CDH13: variants seen among roughly 807,000 people sequenced by gnomAD.
The protein encoded by CDH13 is cadherin-13.
CDH13 carries 24 observed loss-of-function variants against 63.8 expected under a neutral mutation model. The observed-to-expected ratio is 0.38, with a 90% CI of 0.27 to 0.53. CDH13 has a LOEUF of 0.53. Ranked by LOEUF, CDH13 falls within the 20% of genes least tolerant of loss-of-function variation. The pLI is 0.85. For synonymous variants in CDH13, 503 were observed against 355.3 expected (o/e 1.42, Z -4.67); for missense variants, 1,049 against 903.1 (o/e 1.16, Z -2.07).
rs72807808 is a variant in CDH13, at chr16:82,828,474, A to C, written c.46-29888A>C. 6.6e-5 allele frequency among the ~76,000 whole-genome samples: 10 copies of C among 152,048 alleles called. No homozygotes were observed. The South Asian group carries it at 2.1e-3, about 32-fold the overall frequency. ...TTCACTAAAAATAGAAACCTCAGCT[A>C]GGAGTGTTGGCGGGCACCTGTAATC... is the stretch of plus-strand genomic sequence containing the variant. On this transcript the variant is annotated intron_variant, in intron 1 of 13. Coordinates refer to ENST00000567109, the MANE Select transcript of CDH13 (RefSeq NM_001257.5).
At chr16:83,233,841 C>G (rs2040073240) in intron 5 of CDH13, among the ~76,000 whole-genome samples, 2 of 152,146 alleles carry the variant, frequency 1.3e-5, no homozygotes, top group African/African-American at 4.8e-5. Flanking sequence ...AGTTTCCAGA[C>G]ATTAGGAGGT....
intron 2 of CDH13, among the ~76,000 whole-genome samples, chr16:82,860,484 T>C (rs1010716564): frequency 3.4e-4 from 52 of 151,076 alleles, no homozygotes; most frequent in African/African-American, 1.0e-3. Flanking sequence ...AAATGCTAAA[T>C]GGGACTAGGT....
rs547023583 is a variant in CDH13, at chr16:83,799,713, A to G, written c.*4683A>G. ...TGAGATTTGATAATTTTCACAGTCTAATGATAAAATGCTTTCAAAATGGTT... is the reference window on the plus strand; with the variant it reads ...TGAGATTTGATAATTTTCACAGTCTGATGATAAAATGCTTTCAAAATGGTT... On this transcript the variant is annotated 3_prime_UTR_variant, in exon 14 of 14. Coordinates refer to ENST00000567109, the MANE Select transcript of CDH13 (RefSeq NM_001257.5). 2.0e-5 allele frequency: 3 copies of G among 152,338 alleles called. No individual in the cohort carries two copies. In the South Asian group the frequency reaches 6.2e-4, roughly 32 times the overall value. The allele number at this position is 152,338 out of a possible 1,614,324, so 9.4% of individuals were successfully genotyped here. A position where few individuals can be genotyped will look rare whatever the true frequency, so the allele number is the denominator to read the frequency against.
intron 2 of CDH13, among the ~76,000 whole-genome samples, chr16:83,015,677 G>GTA (rs71148803): frequency 0.1 from 3,810 of 37,426 alleles, 294 homozygotes; most frequent in Non-Finnish European, 0.13. Context: ...GTGTGTGTAT[G>GTA]TATATATATA....
At chr16:83,169,450 A>T (rs1237249944) in intron 4 of CDH13, among the ~76,000 whole-genome samples, 1 of 152,042 alleles carries the variant, frequency 6.6e-6, no homozygotes, top group African/African-American at 2.4e-5. Flanking sequence ...GCTGGGAGTA[A>T]GGTGTGAGCC....
chr16:83,008,425 G>C (rs550642991), intron 2 of CDH13, among the ~76,000 whole-genome samples: 63 of 152,318 alleles, frequency 4.1e-4, no homozygotes, highest in African/African-American at 1.5e-3. Context: ...GCCCTGAGGC[G>C]GAGAATGCCT....
chr16:82,815,415 T>G (rs9937158), intron 1 of CDH13, among the ~76,000 whole-genome samples: 58,914 of 151,608 alleles, frequency 0.39, 12,242 homozygotes, highest in African/African-American at 0.55. Flanking sequence ...CACGAGCTGG[T>G]GGTGTTGCGA....
chr16:83,297,549 A>G (rs1184939390), intron 5 of CDH13, among the ~76,000 whole-genome samples: 2 of 151,966 alleles, frequency 1.3e-5, no homozygotes, highest in East Asian at 1.9e-4. Context: ...CTCACTGAAC[A>G]CTTTTTGAAT....
At chr16:83,201,590 G>T (rs1362069895) in intron 4 of CDH13, among the ~76,000 whole-genome samples, 1 of 152,054 alleles carries the variant, frequency 6.6e-6, no homozygotes, top group African/African-American at 2.4e-5. Context: ...TGGGACCAAG[G>T]CTGAGGAATA....
At chr16:82,788,250 C>G (rs376211872) in intron 1 of CDH13, among the ~76,000 whole-genome samples, 1 of 152,158 alleles carries the variant, frequency 6.6e-6, no homozygotes, top group East Asian at 1.9e-4. Flanking sequence ...ATCCAGCAGC[C>G]TTGACTTGAC....
intron 8 of CDH13, among the ~76,000 whole-genome samples, chr16:83,668,180 T>C (rs1019558017): frequency 2.6e-5 from 4 of 152,146 alleles, no homozygotes; most frequent in Non-Finnish European, 5.9e-5. Context: ...GCTTTGTCCC[T>C]TCACATTCCC....
chr16:82,770,781 C>T (rs890468056), intron 1 of CDH13, among the ~76,000 whole-genome samples: 1 of 152,106 alleles, frequency 6.6e-6, no homozygotes, highest in African/African-American at 2.4e-5. Flanking sequence ...GATCTCGGCT[C>T]ACTGCAACCT....
chr16:82,737,737 TTTCCTC>T (rs1390906365), intron 1 of CDH13, among the ~76,000 whole-genome samples: 15 of 152,220 alleles, frequency 9.9e-5, no homozygotes, highest in African/African-American at 3.6e-4. Context: ...TTTTTCTCCT[TTTCCTC>T]TTCCTCTATA....
Position 83,189,731 on chromosome 16 carries a change from C to T in CDH13, c.484-27614C>T, listed in dbSNP as rs753038535. Among the ~76,000 whole-genome samples the T allele has an allele frequency of 3.3e-4, 51 of 152,290 alleles. 1 individual carries two copies. The highest frequency in any genetic ancestry group is 8.8e-5 in the Non-Finnish European group (6 of 68,028). The stretch of plus-strand genomic sequence containing the variant: ...CTTCTAGCACTGTGAATATTAAAGG[C>T]AAGAGGAATCTTCCCTCTGAGCCTG... On this transcript the variant is annotated intron_variant, in intron 4 of 13. Coordinates refer to ENST00000567109, the MANE Select transcript of CDH13 (RefSeq NM_001257.5).
rs147647247 is a variant in CDH13 at position 83,092,627 on chromosome 16, C to T, written c.367-32758C>T. ...TCTTTTATTACTACTTCTTTCTTTG[C>T]CGCTTTAAAGGGAAAACTGCTATCC... On this transcript the variant is annotated intron_variant, in intron 3 of 13. Coordinates refer to ENST00000567109, the MANE Select transcript of CDH13 (RefSeq NM_001257.5). Among the ~76,000 whole-genome samples, 203 of 152,260 alleles carry T rather than the reference C, an allele frequency of 1.3e-3. 1 individual carries two copies. The East Asian group carries it at 0.038, about 28-fold the overall frequency.
rs532046422 is a variant in CDH13, at chr16:83,604,565, G to T, written c.1101+1971G>T. On this transcript the variant is annotated intron_variant, in intron 8 of 13. Transcript: ENST00000567109. ...CTTTGTGTTTCTCTAACAGGGTTAG[G>T]TATGGTCTGTGGGGTTTCTCATTCT... Among the ~76,000 whole-genome samples, 5 of 152,272 alleles carry T rather than the reference G, an allele frequency of 3.3e-5. No homozygotes were observed. The South Asian group carries it at 1.0e-3, about 32-fold the overall frequency.
intron 4 of CDH13, among the ~76,000 whole-genome samples, chr16:83,169,667 C>G (rs62036629): frequency 0.049 from 7,445 of 152,028 alleles, 273 homozygotes; most frequent in Non-Finnish European, 0.061. Flanking sequence ...TAAAGGCCCA[C>G]TACTTATTGT....
intron 10 of CDH13, among the ~76,000 whole-genome samples, chr16:83,741,144 T>C (rs1912018733): frequency 6.6e-6 from 1 of 152,214 alleles, no homozygotes; most frequent in African/African-American, 2.4e-5. Flanking sequence ...TCACTAGCCA[T>C]TCAATTTTAT....
intron 1 of CDH13, among the ~76,000 whole-genome samples, chr16:82,841,747 T>A (rs2151132819): frequency 6.6e-6 from 1 of 152,176 alleles, no homozygotes; most frequent in Non-Finnish European, 1.5e-5. Flanking sequence ...ATGGTTTATG[T>A]TCATGAAGGT....
Sources: allele counts gnomAD v4.1 joint callset (sites outside exome capture counted in the v4.1 genomes callset), GRCh38; gene constraint gnomAD v4.1.1; transcripts MANE v1.5; gene names NCBI Gene and HGNC (gene_info 2026-07-23, HGNC 2026-07-21).